The following GALNT17 variants were observed in gnomAD, a reference collection of about 807,000 sequenced individuals.
GALNT17 encodes UDP-GalNAc:polypeptide N-acetylgalactosaminyltransferase-like 3.
A neutral mutation model predicts 63.7 loss-of-function variants in GALNT17; 29 were observed. That is an observed-to-expected ratio of 0.46 (90% CI 0.34 to 0.62). The LOEUF (loss-of-function observed/expected upper bound fraction) is 0.62. GALNT17 is among the 20% of genes least tolerant of loss of function. The pLI, the probability that GALNT17 is intolerant of heterozygous loss-of-function variation, is 0.01. For missense variants in GALNT17, 603 were observed against 799.6 expected (o/e 0.75, Z 2.97); for synonymous variants, 305 against 318.3 (o/e 0.96, Z 0.45).
chr7:71,525,100 T>C (rs1216642381), intron 5 of GALNT17, among the ~76,000 whole-genome samples: 1 of 152,218 alleles, frequency 6.6e-6, no homozygotes, highest in East Asian at 1.9e-4. Context: ...CCATTAAAAG[T>C]CATGGCAAAA....
At chr7:71,709,578 GTTT>G (rs5884857) in intron 9 of GALNT17, among the ~76,000 whole-genome samples, 5 of 143,860 alleles carry the variant, frequency 3.5e-5, no homozygotes, top group Admixed American at 3.4e-4. Flanking sequence ...CAGTTTTTGG[GTTT>G]TTTTTTTTGT....
intron 1 of GALNT17, among the ~76,000 whole-genome samples, chr7:71,249,295 T>A (rs943693116): frequency 2.0e-5 from 3 of 152,204 alleles, no homozygotes; most frequent in Admixed American, 2.0e-4. Flanking sequence ...TCAAAGCATA[T>A]TCATATTTAT....
intron 3 of GALNT17, among the ~76,000 whole-genome samples, chr7:71,394,377 G>T (rs1340401836): frequency 2.0e-5 from 3 of 152,140 alleles, no homozygotes; most frequent in Non-Finnish European, 2.9e-5. Context: ...CAATATTAGG[G>T]ATCACATTTC....
chr7:71,539,497 G>A (rs575251290), intron 5 of GALNT17, among the ~76,000 whole-genome samples: 4 of 152,178 alleles, frequency 2.6e-5, no homozygotes, highest in Non-Finnish European at 5.9e-5. Flanking sequence ...ATGTGTGTGC[G>A]TGCACGTGTA....
chr7:71,198,573 A>T (rs1457705556), intron 1 of GALNT17, among the ~76,000 whole-genome samples: 4 of 152,250 alleles, frequency 2.6e-5, no homozygotes, highest in Admixed American at 2.6e-4. Flanking sequence ...ACACCAGCTG[A>T]CACTAGCTGA....
intron 1 of GALNT17, among the ~76,000 whole-genome samples, chr7:71,199,961 GTGAGT>G (rs1789136901): frequency 1.3e-5 from 2 of 152,138 alleles, no homozygotes; most frequent in African/African-American, 4.8e-5. Flanking sequence ...TTGCTTTCTA[GTGAGT>G]TGAGATAATA....
chr7:71,441,831 C>T (rs1240873878), intron 5 of GALNT17, among the ~76,000 whole-genome samples: 1 of 152,166 alleles, frequency 6.6e-6, no homozygotes, highest in Non-Finnish European at 1.5e-5. Flanking sequence ...TTAATGGCTG[C>T]ATAGTATTCC....
At chr7:71,482,079 A>G (rs145227929) in intron 5 of GALNT17, among the ~76,000 whole-genome samples, 1,415 of 136,850 alleles carry the variant, frequency 0.01, 10 homozygotes, top group East Asian at 0.023. Context: ...ACATATATGT[A>G]TATGTGTGTG....
At chr7:71,169,940 A>G (rs552479256) in intron 1 of GALNT17, among the ~76,000 whole-genome samples, 1 of 151,332 alleles carries the variant, frequency 6.6e-6, no homozygotes, top group East Asian at 2.0e-4. Context: ...CTTTCTTAGT[A>G]TTAAATTGAT....
At chr7:71,378,446 T>C (rs188108810) in intron 2 of GALNT17, among the ~76,000 whole-genome samples, 3 of 152,136 alleles carry the variant, frequency 2.0e-5, no homozygotes, top group African/African-American at 7.2e-5. Flanking sequence ...GTTAATGCAC[T>C]TGACCCAAGC....
At chr7:71,650,070 C>T (rs1234972963) in intron 6 of GALNT17, among the ~76,000 whole-genome samples, 1 of 152,212 alleles carries the variant, frequency 6.6e-6, no homozygotes. Flanking sequence ...TCTCCCAAGT[C>T]CTAGCCCCAA....
At chr7:71,363,984 A>C (rs1792454525) in intron 2 of GALNT17, among the ~76,000 whole-genome samples, 1 of 152,188 alleles carries the variant, frequency 6.6e-6, no homozygotes, top group Non-Finnish European at 1.5e-5. Flanking sequence ...TAAAGTATGC[A>C]AGGAGGCAGC....
intron 6 of GALNT17, among the ~76,000 whole-genome samples, chr7:71,572,940 G>A (rs964760001): frequency 3.9e-5 from 6 of 152,074 alleles, no homozygotes; most frequent in African/African-American, 1.2e-4. Context: ...ACCCCTGTAC[G>A]ACCAGATTGT....
chr7:71,659,909 G>C (rs755902557), intron 6 of GALNT17, among the ~76,000 whole-genome samples: 4 of 152,136 alleles, frequency 2.6e-5, no homozygotes, highest in African/African-American at 4.8e-5. Flanking sequence ...CTTTCCTGGG[G>C]GATGCTTTCT....
rs371050589 is a variant in GALNT17, at chr7:71,545,602, T to G, written c.963-25683T>G. 5.3e-5 allele frequency among the ~76,000 whole-genome samples: 8 copies of G among 152,172 alleles called. No homozygotes were observed. In the East Asian group the frequency reaches 7.7e-4, roughly 15 times the overall value. ...CCTGGCTTCTAGCGATCCACCTGCTTTGGCCTCCCAAAGTGCTGGGATTAT... is the reference window on the plus strand; with the variant it reads ...CCTGGCTTCTAGCGATCCACCTGCTGTGGCCTCCCAAAGTGCTGGGATTAT... On this transcript the variant is annotated intron_variant, in intron 5 of 10. Transcript: ENST00000333538.
chr7:71,450,139 ATTT>A (rs55881759), intron 5 of GALNT17, among the ~76,000 whole-genome samples: 15 of 130,090 alleles, frequency 1.2e-4, no homozygotes, highest in Admixed American at 2.3e-4. Flanking sequence ...GTATTTAAAG[ATTT>A]TTTTTTTTTT....
intron 3 of GALNT17, among the ~76,000 whole-genome samples, chr7:71,391,653 A>T (rs56723528): frequency 0.16 from 24,251 of 151,652 alleles, 2,094 homozygotes; most frequent in African/African-American, 0.23. Context: ...TAGCTAATTT[A>T]TATATATATT....
At chr7:71,231,167 GTGAAATTCATGAGGGAA>G (rs1789781328) in intron 1 of GALNT17, among the ~76,000 whole-genome samples, 1 of 151,604 alleles carries the variant, frequency 6.6e-6, no homozygotes, top group South Asian at 2.1e-4. Flanking sequence ...GTAATAATCA[GTGAAATTCATGAGGGAA>G]TTTCATCTGT....
At chr7:71,346,583 A>G (rs1008993669) in intron 2 of GALNT17, among the ~76,000 whole-genome samples, 4 of 152,112 alleles carry the variant, frequency 2.6e-5, no homozygotes, top group Non-Finnish European at 4.4e-5. Context: ...ATTCAAACCC[A>G]GCTCTGTGTG....
Sources: allele counts gnomAD v4.1 joint callset (sites outside exome capture counted in the v4.1 genomes callset), GRCh38; gene constraint gnomAD v4.1.1; transcripts MANE v1.5; gene names NCBI Gene and HGNC (gene_info 2026-07-23, HGNC 2026-07-21).